EPB41L2: variants seen among roughly 807,000 people sequenced by gnomAD.
EPB41L2 encodes band 4.1-like protein 2.
A neutral mutation model predicts 113.0 loss-of-function variants in EPB41L2; 43 were observed. The observed-to-expected ratio is 0.38, with a 90% CI of 0.30 to 0.49. The LOEUF is 0.49. EPB41L2 is among the 20% of genes least tolerant of loss of function. The pLI, the probability that EPB41L2 is intolerant of heterozygous loss-of-function variation, is 0.95. For missense variants in EPB41L2, 1,147 were observed against 1,223.4 expected (o/e 0.94, Z 0.93); for synonymous variants, 442 against 436.7 (o/e 1.01, Z -0.15).
chr6:130,871,773 C>G (rs1484427724), intron 14 of EPB41L2, among the ~76,000 whole-genome samples: 1 of 152,188 alleles, frequency 6.6e-6, no homozygotes. Context: ...TTTTGATAAG[C>G]AGGTAAAATT....
intron 14 of EPB41L2, 140 bp from the exon 15 acceptor site, chr6:130,870,266 G>C: frequency 6.5e-7 from 1 of 1,542,404 alleles, no homozygotes; most frequent in East Asian, 2.4e-5. Context: ...AGGGAAGCGG[G>C]GCAAACGTGA....
chr6:130,877,227 C>T (rs1327243158), intron 14 of EPB41L2, among the ~76,000 whole-genome samples: 1 of 152,122 alleles, frequency 6.6e-6, no homozygotes, highest in East Asian at 1.9e-4. Context: ...AAATCAATGT[C>T]TACAATTTGG....
At chr6:131,034,155 G>A (rs1052709972) in intron 1 of EPB41L2, among the ~76,000 whole-genome samples, 2 of 152,156 alleles carry the variant, frequency 1.3e-5, no homozygotes, top group African/African-American at 4.8e-5. Context: ...ACTACTGCAA[G>A]TTGACACTAG....
chr6:130,861,246 G>C (rs1430413116), intron 18 of EPB41L2, among the ~76,000 whole-genome samples: 1 of 151,370 alleles, frequency 6.6e-6, no homozygotes, highest in Non-Finnish European at 1.5e-5. Flanking sequence ...CTAATTTTTT[G>C]TATTTTTAGT....
chr6:130,987,833 C>G (rs1313100298), intron 1 of EPB41L2, among the ~76,000 whole-genome samples: 1 of 150,444 alleles, frequency 6.6e-6, no homozygotes, highest in Non-Finnish European at 1.5e-5. Context: ...CTCAGGTGGG[C>G]TAGGTGCAGT....
intron 3 of EPB41L2, among the ~76,000 whole-genome samples, chr6:130,931,022 C>T (rs1806643491): frequency 6.6e-6 from 1 of 151,886 alleles, no homozygotes; most frequent in Non-Finnish European, 1.5e-5. Context: ...AAAAAACTAT[C>T]CAGAATGTGG....
chr6:130,957,252 G>C (rs1186472870), intron 1 of EPB41L2, among the ~76,000 whole-genome samples: 1 of 152,070 alleles, frequency 6.6e-6, no homozygotes, highest in Non-Finnish European at 1.5e-5. Flanking sequence ...TTATGAGGTG[G>C]AAAAAATGCA....
intron 1 of EPB41L2, among the ~76,000 whole-genome samples, chr6:130,982,105 TAAA>T (rs35801276): frequency 7.5e-6 from 1 of 133,440 alleles, no homozygotes; most frequent in Non-Finnish European, 1.6e-5. Flanking sequence ...AGCTAAGAAT[TAAA>T]AAAAAAAAAA....
At chr6:130,954,320 T>C (rs1300133513) in intron 3 of EPB41L2, among the ~76,000 whole-genome samples, 4 of 152,142 alleles carry the variant, frequency 2.6e-5, no homozygotes, top group Non-Finnish European at 5.9e-5. Flanking sequence ...CCCAAAGTGC[T>C]GGGATTACAG....
At chr6:130,946,750 G>A (rs1156793726) in intron 3 of EPB41L2, among the ~76,000 whole-genome samples, 1 of 152,062 alleles carries the variant, frequency 6.6e-6, no homozygotes. Flanking sequence ...TATAGAGTGA[G>A]TAAGCTAGGA....
At chr6:130,996,477 A>T (rs1783137480) in intron 1 of EPB41L2, among the ~76,000 whole-genome samples, 2 of 152,242 alleles carry the variant, frequency 1.3e-5, no homozygotes, top group African/African-American at 4.8e-5. Context: ...TGTTACACTT[A>T]TATGATCCTG....
chr6:130,945,756 T>C (rs1417474057), intron 3 of EPB41L2, among the ~76,000 whole-genome samples: 1 of 151,894 alleles, frequency 6.6e-6, no homozygotes, highest in Non-Finnish European at 1.5e-5. Flanking sequence ...ACCCAAAGAG[T>C]AAAAAGAAAA....
chr6:130,958,877 G>A (rs1452655013), intron 1 of EPB41L2, among the ~76,000 whole-genome samples: 1 of 152,180 alleles, frequency 6.6e-6, no homozygotes. Context: ...TTGAAGTAGA[G>A]GAGAAATGTA....
intron 1 of EPB41L2, among the ~76,000 whole-genome samples, chr6:131,058,030 T>A (rs1797925689): frequency 6.6e-6 from 1 of 152,236 alleles, no homozygotes; most frequent in Non-Finnish European, 1.5e-5. Context: ...ATTGTTCTTA[T>A]CCTTCAATTT....
chr6:130,911,716 G>A (rs1048709720), intron 4 of EPB41L2, among the ~76,000 whole-genome samples: 1 of 151,946 alleles, frequency 6.6e-6, no homozygotes, highest in East Asian at 1.9e-4. Context: ...GAAGCTACAA[G>A]CAAAAGTCCA....
At chr6:130,945,421 G>A (rs1812467699) in intron 3 of EPB41L2, among the ~76,000 whole-genome samples, 1 of 152,164 alleles carries the variant, frequency 6.6e-6, no homozygotes, top group South Asian at 2.1e-4. Context: ...AGCCTACATT[G>A]TTAGCCTTAT....
Position 130,901,213 on chromosome 6 carries a change from G to A in EPB41L2, c.930-33C>T, listed in dbSNP as rs764677199. On this transcript the variant is annotated intron_variant, in intron 6 of 19. Transcript: ENST00000337057. The stretch of plus-strand genomic sequence containing the variant: ...GAGCAGAGGGAGAAATGGGTCAGGG[G>A]AGAACCATTAGGTGAGATTGGAGCA... 17 of 1,587,020 alleles carry A rather than the reference G, an allele frequency of 1.1e-5. No homozygotes were observed. In the African/African-American group the frequency reaches 2.2e-4, roughly 20 times the overall value.
chr6:131,028,607 A>T (rs1016359258), intron 1 of EPB41L2, among the ~76,000 whole-genome samples: 6 of 152,192 alleles, frequency 3.9e-5, no homozygotes, highest in African/African-American at 1.4e-4. Context: ...ACAACACAAG[A>T]TTTTTGTTCC....
At chr6:131,013,608 T>A (rs1235238164) in intron 1 of EPB41L2, 1 of 152,194 alleles carries the variant, frequency 6.6e-6, no homozygotes, top group African/African-American at 2.4e-5. Context: ...CTCACAGAAG[T>A]TGTTTTCCAG....
Sources: gnomAD v4.1 joint callset for allele counts (sites outside exome capture counted in the v4.1 genomes callset) on GRCh38, gnomAD v4.1.1 for gene constraint, MANE v1.5 for transcripts, NCBI Gene and HGNC (gene_info 2026-07-23, HGNC 2026-07-21) for gene names.